The following DAB1 variants were observed in gnomAD, a reference collection of about 807,000 sequenced individuals.
The protein encoded by DAB1 is DAB adaptor protein 1.
Under a neutral mutation model 64.6 loss-of-function variants are expected in DAB1, and 15 were observed. The observed-to-expected ratio is 0.23, with a 90% confidence interval of 0.16 to 0.36. The LOEUF is 0.36. Among genes scored for constraint, DAB1 ranks in the 10% least tolerant of loss-of-function variants. The pLI is 1.00. For synonymous variants in DAB1, 235 were observed against 251.9 expected (o/e 0.93, Z 0.64); for missense variants, 596 against 706.7 (o/e 0.84, Z 1.78).
intron 6 of DAB1, among the ~76,000 whole-genome samples, chr1:57,696,192 C>G (rs1646843085): frequency 6.6e-6 from 1 of 152,060 alleles, no homozygotes; most frequent in South Asian, 2.1e-4. Context: ...GGTCAGAGAC[C>G]TTATCTTTTG....
intron 7 of DAB1, among the ~76,000 whole-genome samples, chr1:57,480,735 T>C (rs1000384984): frequency 2.0e-5 from 3 of 152,178 alleles, no homozygotes; most frequent in Non-Finnish European, 4.4e-5. Context: ...TCTGCCCTTC[T>C]TGGCTTCACA....
rs1278026488 is a variant in DAB1, at chr1:58,253,708, G to T, written n.309+89644C>A. 2.0e-5 allele frequency among the ~76,000 whole-genome samples: 3 copies of T among 152,212 alleles called. No individual in the cohort carries two copies. The East Asian group carries it at 5.8e-4, about 29-fold the overall frequency. On this transcript the variant is annotated intron_variant and non_coding_transcript_variant, in intron 4 of 20. Transcript: ENST00000485760. ...GAGAACCAGAGAGATTGAGTGACTT[G>T]CTCAAAGACCAACAGCTAACTAGTA...
intron 1 of DAB1, among the ~76,000 whole-genome samples, chr1:57,404,129 T>A (rs541938950): frequency 2.0e-5 from 3 of 152,260 alleles, no homozygotes; most frequent in African/African-American, 7.2e-5. Context: ...GACTTTAATA[T>A]ACAAAGAGAA....
intron 4 of DAB1, among the ~76,000 whole-genome samples, chr1:58,268,616 A>T (rs1024061350): frequency 2.6e-5 from 4 of 152,224 alleles, no homozygotes; most frequent in African/African-American, 9.6e-5. Context: ...AGGTGCTTCC[A>T]AAAGACACAA....
At chr1:58,541,955 A>G (rs1357224969) in intron 1 of DAB1, among the ~76,000 whole-genome samples, 1 of 152,156 alleles carries the variant, frequency 6.6e-6, no homozygotes, top group East Asian at 1.9e-4. Context: ...AAAGTTGGGG[A>G]AAAAAATATG....
chr1:57,641,387 T>TTTTG (rs1351110839), intron 7 of DAB1, among the ~76,000 whole-genome samples: 5 of 139,304 alleles, frequency 3.6e-5, no homozygotes, highest in Non-Finnish European at 7.8e-5. Flanking sequence ...TGGTTTTTTT[T>TTTTG]TTTTTTTTTT....
chr1:57,432,203 C>T (rs1321553192), intron 7 of DAB1, among the ~76,000 whole-genome samples: 2 of 151,948 alleles, frequency 1.3e-5, no homozygotes, highest in African/African-American at 4.8e-5. Context: ...ATAGCTGCCA[C>T]ATATTTTGTA....
chr1:57,922,845 C>CAAAAAAAAAAAAAAA lies in DAB1; in HGVS notation n.388-38698_388-38684dup, dbSNP rs367897659. On this transcript the variant is annotated intron_variant and non_coding_transcript_variant, in intron 5 of 20. Coordinates refer to the DAB1 transcript ENST00000485760. ...TGGGTGACAAAGCGAGACTCCATCT[C>CAAAAAAAAAAAAAAA]AAAAAAAAAAAAAAAAAAAAAAAGA... 8.6e-3 allele frequency among the ~76,000 whole-genome samples: 389 copies of CAAAAAAAAAAAAAAA among 44,972 alleles called. 29 individuals carry two copies. The highest frequency in any genetic ancestry group is 0.021 in the African/African-American group (187 of 8,838). The allele number at this position is 44,972 out of a possible 152,430, so 29.5% of individuals were successfully genotyped here.
intron 4 of DAB1, among the ~76,000 whole-genome samples, chr1:58,206,936 G>T (rs1330112648): frequency 6.6e-6 from 1 of 152,118 alleles, no homozygotes; most frequent in Non-Finnish European, 1.5e-5. Flanking sequence ...TGATGATGAG[G>T]CTGTTTTTAG....
chr1:58,487,672 C>T (rs77306036), intron 3 of DAB1, among the ~76,000 whole-genome samples: 2,531 of 151,998 alleles, frequency 0.017, 55 homozygotes, highest in East Asian at 0.12. Context: ...TTATTTATAC[C>T]TTACTTCTTT....
At chr1:58,339,573 G>A (rs370844345) in intron 4 of DAB1, among the ~76,000 whole-genome samples, 5 of 152,202 alleles carry the variant, frequency 3.3e-5, no homozygotes, top group East Asian at 1.9e-4. Context: ...AAAGGCTCAG[G>A]GGAAAGAGAG....
chr1:57,164,669 G>A (rs953423323), intron 2 of DAB1, among the ~76,000 whole-genome samples: 2 of 152,138 alleles, frequency 1.3e-5, no homozygotes, highest in Non-Finnish European at 1.5e-5. Context: ...CTAAGAGGAA[G>A]CCAATCTTAT....
intron 6 of DAB1, among the ~76,000 whole-genome samples, chr1:57,770,391 C>T (rs907322938): frequency 2.6e-5 from 4 of 152,010 alleles, no homozygotes; most frequent in Non-Finnish European, 5.9e-5. Context: ...CCTCAGCTTC[C>T]TGAATAGCTG....
chr1:58,046,490 G>C (rs1647262723), intron 5 of DAB1, among the ~76,000 whole-genome samples: 1 of 152,014 alleles, frequency 6.6e-6, no homozygotes, highest in Admixed American at 6.5e-5. Flanking sequence ...GTAGGATTAT[G>C]AACTACTTTA....
intron 1 of DAB1, among the ~76,000 whole-genome samples, chr1:57,850,150 G>A (rs115527922): frequency 6.6e-6 from 1 of 152,310 alleles, no homozygotes; most frequent in South Asian, 2.1e-4. Context: ...CCAGGACAGA[G>A]GGGCTGAGGG....
At chr1:57,777,148 T>G (rs1289331297) in intron 6 of DAB1, among the ~76,000 whole-genome samples, 2 of 150,434 alleles carry the variant, frequency 1.3e-5, no homozygotes, top group Admixed American at 1.3e-4. Context: ...TTTCTTTTTT[T>G]TTTTTTTTTT....
intron 6 of DAB1, among the ~76,000 whole-genome samples, chr1:57,658,750 A>G (rs1334968305): frequency 6.6e-6 from 1 of 151,990 alleles, no homozygotes; most frequent in Non-Finnish European, 1.5e-5. Flanking sequence ...GTATTTTTTT[A>G]GTAGAGATGA....
rs563649245 is a variant in DAB1 at position 58,381,862 on chromosome 1, A to G, written n.258-38459T>C. The stretch of plus-strand genomic sequence containing the variant: ...GGGAATAAATTTAGGAGTCACCAGC[A>G]TATCAATAGTAAAAAATAATGAATG... On this transcript the variant is annotated intron_variant and non_coding_transcript_variant, in intron 3 of 20. Coordinates refer to the DAB1 transcript ENST00000485760. 3.3e-5 allele frequency among the ~76,000 whole-genome samples: 5 copies of G among 151,316 alleles called. No homozygotes were observed. In the South Asian group the frequency reaches 1.0e-3, roughly 31 times the overall value.
chr1:58,148,946 T>TTC (rs1654771417), intron 5 of DAB1, among the ~76,000 whole-genome samples: 2 of 152,178 alleles, frequency 1.3e-5, no homozygotes, highest in Non-Finnish European at 2.9e-5. Flanking sequence ...GTGTGAGGTG[T>TTC]TCCACTGCCT....
Sources: allele counts gnomAD v4.1 joint callset (sites outside exome capture counted in the v4.1 genomes callset), GRCh38; gene constraint gnomAD v4.1.1; transcripts MANE v1.5; gene names NCBI Gene and HGNC (gene_info 2026-07-23, HGNC 2026-07-21).